The following LRBA variants were observed in gnomAD, a reference collection of about 807,000 sequenced individuals.
LRBA encodes lipopolysaccharide-responsive and beige-like anchor protein.
LRBA carries 176 observed loss-of-function variants against 330.0 expected under a neutral mutation model. The ratio of observed to expected loss-of-function variants is 0.53; its 90% confidence interval spans 0.47 to 0.60. The LOEUF (loss-of-function observed/expected upper bound fraction) is 0.60. LRBA is among the 20% of genes least tolerant of loss of function. LRBA has a pLI of 0.00. For missense variants in LRBA, 3,259 were observed against 3,444.8 expected (o/e 0.95, Z 1.35); for synonymous variants, 1,230 against 1,193.0 (o/e 1.03, Z -0.64).
intron 36 of LRBA, among the ~76,000 whole-genome samples, chr4:150,730,740 A>C (rs374861223): frequency 3.3e-5 from 5 of 151,260 alleles, no homozygotes; most frequent in African/African-American, 1.2e-4. Flanking sequence ...TTCAAGGGCC[A>C]GGCACTGTGA....
rs185304618 is a variant in LRBA at position 150,553,044 on chromosome 4, G to C, written c.6330+35004C>G. Among the ~76,000 whole-genome samples the C allele has an allele frequency of 1.8e-3, 277 of 151,610 alleles. 2 individuals carry two copies. The East Asian group carries it at 0.02, about 11-fold the overall frequency. On this transcript the variant is annotated intron_variant, in intron 40 of 56. Transcript: ENST00000651943. The stretch of plus-strand genomic sequence containing the variant: ...AGATCATGCCACTGCACTCCAGCCT[G>C]GGCGACAGAGCGAGGCTCTGTCTCA...
chr4:150,868,527 G>A (rs1052544820), intron 20 of LRBA, among the ~76,000 whole-genome samples: 7 of 152,044 alleles, frequency 4.6e-5, no homozygotes, highest in Non-Finnish European at 8.8e-5. Context: ...ATTCAAATGT[G>A]CAAAAATAAA....
intron 48 of LRBA, among the ~76,000 whole-genome samples, chr4:150,327,808 T>C (rs1733490198): frequency 1.3e-5 from 2 of 152,220 alleles, no homozygotes; most frequent in Admixed American, 1.3e-4. Flanking sequence ...AGTTGGTGTA[T>C]TCCCCACTTA....
intron 45 of LRBA, among the ~76,000 whole-genome samples, chr4:150,436,129 T>C (rs576160978): frequency 6.6e-6 from 1 of 152,288 alleles, no homozygotes; most frequent in East Asian, 1.9e-4. Context: ...TAAAGAACAC[T>C]TAAACACATA....
intron 34 of LRBA, among the ~76,000 whole-genome samples, chr4:150,770,590 C>T (rs62346340): frequency 0.068 from 720 of 10,596 alleles, 1 homozygote; most frequent in Non-Finnish European, 0.16. Flanking sequence ...TATATATACA[C>T]ACACACACAC....
chr4:150,466,203 T>G (rs1156378119), intron 44 of LRBA, among the ~76,000 whole-genome samples: 1 of 152,152 alleles, frequency 6.6e-6, no homozygotes, highest in Non-Finnish European at 1.5e-5. Flanking sequence ...CTATTGTGAT[T>G]GTCTGAACTG....
In LRBA at chr4:150,583,652, T is replaced by C; in HGVS notation, c.6330+4396A>G. ...GTGGCCGAGGTCAAGGCCGAAGGGT[T>C]CAACTTGCTCTCGAAGGAGTGCTAC... On this transcript the variant is annotated intron_variant, in intron 40 of 56. Transcript: ENST00000651943. This position sits in a 1 kb window ranked among gnomAD's most constrained non-coding sequence, Gnocchi z 9.8. 1 of 1,613,934 alleles carries C rather than the reference T, an allele frequency of 6.2e-7. No individual in the cohort carries two copies. The highest frequency in any genetic ancestry group is 8.5e-7 in the Non-Finnish European group (1 of 1,179,984).
chr4:150,852,613 T>C lies in LRBA; in HGVS notation c.3097A>G (p.Thr1033Ala), dbSNP rs774052497. 6.2e-7 allele frequency: 1 copy of C among 1,614,048 alleles called. No homozygotes were observed. Among genetic ancestry groups the C allele is most frequent in the East Asian group, 2.2e-5 (1 of 44,872 alleles). ...TCATTTGTCAGTGTTTCTTCCAAAG[T>C]GCCTTCATCTGGTAACTCCTGATTT... is the stretch of plus-strand genomic sequence containing the variant. Reference protein sequence around the residue: ...QENQELPDEGTLEETLTNETR... With the variant: ...QENQELPDEGALEETLTNETR... The change falls in exon 23 of 57, where the codon ACT (threonine) becomes GCT (alanine). Residue 1033 changes from threonine to alanine, a missense_variant. Physicochemically the swap from Thr to Ala is moderately conservative, Grantham distance 58 (BLOSUM62 0). Transcript: ENST00000651943.
At chr4:150,917,601 A>C (rs1449756223) in intron 5 of LRBA, among the ~76,000 whole-genome samples, 1 of 152,166 alleles carries the variant, frequency 6.6e-6, no homozygotes, top group Admixed American at 6.5e-5. Context: ...ATACTACATA[A>C]TAAAAGGATC....
chr4:150,477,227 C>T (rs1756812079), intron 42 of LRBA, among the ~76,000 whole-genome samples: 1 of 152,112 alleles, frequency 6.6e-6, no homozygotes, highest in South Asian at 2.1e-4. Flanking sequence ...TAAAAACTAC[C>T]ATCCCTTGGT....
chr4:150,505,011 A>C (rs1294646181), intron 40 of LRBA, among the ~76,000 whole-genome samples: 1 of 152,254 alleles, frequency 6.6e-6, no homozygotes, highest in Non-Finnish European at 1.5e-5. Flanking sequence ...GGATCAATTC[A>C]ACAAGAAGAG....
At chr4:150,560,429 T>G (rs1768167208) in intron 40 of LRBA, among the ~76,000 whole-genome samples, 1 of 152,162 alleles carries the variant, frequency 6.6e-6, no homozygotes, top group South Asian at 2.1e-4. Context: ...AAGCAGTTAT[T>G]CTATCCTGTG....
intron 37 of LRBA, among the ~76,000 whole-genome samples, chr4:150,609,256 T>A (rs1051938343): frequency 4.6e-5 from 7 of 152,232 alleles, no homozygotes; most frequent in African/African-American, 1.7e-4. Flanking sequence ...GATCACTGCA[T>A]AAATTCTGCC....
At chr4:150,821,919 T>C (rs993868720) in intron 30 of LRBA, among the ~76,000 whole-genome samples, 1 of 152,166 alleles carries the variant, frequency 6.6e-6, no homozygotes, top group African/African-American at 2.4e-5. Context: ...ACTCTAAACT[T>C]TCCAGCTATT....
At chr4:150,471,524 G>A (rs1396952049) in intron 43 of LRBA, 100 bp downstream of exon 43, 7 of 647,872 alleles carry the variant, frequency 1.1e-5, no homozygotes, top group Non-Finnish European at 1.3e-5. Context: ...TAGCAATAAC[G>A]GCAATAAAAC....
intron 37 of LRBA, among the ~76,000 whole-genome samples, chr4:150,664,868 T>G (rs769964245): frequency 1.3e-5 from 2 of 152,214 alleles, no homozygotes; most frequent in Non-Finnish European, 2.9e-5. Flanking sequence ...AAACATTACA[T>G]AAGTTGAGAA....
chr4:150,508,520 C>T (rs979426238), intron 40 of LRBA, among the ~76,000 whole-genome samples: 3 of 152,102 alleles, frequency 2.0e-5, no homozygotes, highest in Non-Finnish European at 4.4e-5. Context: ...AACTCCTGAC[C>T]TCAAATGATC....
intron 44 of LRBA, among the ~76,000 whole-genome samples, chr4:150,454,960 C>T (rs1242769544): frequency 2.8e-5 from 4 of 143,530 alleles, no homozygotes; most frequent in Non-Finnish European, 3.0e-5. Flanking sequence ...TTGCTTACTC[C>T]AGTTTTATTT....
At chr4:150,713,302 T>C (rs1438071512) in intron 36 of LRBA, among the ~76,000 whole-genome samples, 1 of 152,156 alleles carries the variant, frequency 6.6e-6, no homozygotes, top group Non-Finnish European at 1.5e-5. Flanking sequence ...AGAAATATAA[T>C]CAATGACATC....
Sources: allele counts gnomAD v4.1 joint callset (sites outside exome capture counted in the v4.1 genomes callset), GRCh38; gene constraint gnomAD v4.1.1; non-coding constraint Gnocchi (gnomAD v3.1); transcripts MANE v1.5; gene names NCBI Gene and HGNC (gene_info 2026-07-23, HGNC 2026-07-21).